MIGA1: variants seen among roughly 807,000 people sequenced by gnomAD.
MIGA1 encodes mitoguardin 1.
In MIGA1, 58 loss-of-function variants were observed where a neutral mutation model predicts 82.0. The observed-to-expected ratio is 0.71, with a 90% CI of 0.57 to 0.88. The LOEUF (loss-of-function observed/expected upper bound fraction) is 0.88. Among genes scored for constraint, MIGA1 ranks in the 40% least tolerant of loss-of-function variants. The pLI is 0.00. For synonymous variants in MIGA1, 249 were observed against 253.6 expected, an observed-to-expected ratio of 0.98 and a Z score of 0.17; for missense variants, 751 against 749.1, an observed-to-expected ratio of 1.00 and a Z score of -0.03.
chr1:77,820,397 C>G (rs953898508), intron 7 of MIGA1, among the ~76,000 whole-genome samples: 45 of 152,262 alleles, frequency 3.0e-4, no homozygotes, highest in African/African-American at 1.0e-3. Flanking sequence ...GGGTTCAACT[C>G]CTGACATTTC....
At chr1:77,863,763 T>C (rs1685558176) in intron 12 of MIGA1, 131 bp from the exon 13 acceptor site, 1 of 628,370 alleles carries the variant, frequency 1.6e-6, no homozygotes, top group South Asian at 2.7e-5. Flanking sequence ...TTATCTCTCC[T>C]TTTATTTTTT....
chr1:77,818,774 T>C (rs1260174776), intron 7 of MIGA1, among the ~76,000 whole-genome samples: 1 of 152,012 alleles, frequency 6.6e-6, no homozygotes, highest in African/African-American at 2.4e-5. Flanking sequence ...GAGGAAACTC[T>C]AGATAAAAAA....
At chr1:77,794,455 A>G (rs1000667175) in intron 2 of MIGA1, among the ~76,000 whole-genome samples, 1 of 152,186 alleles carries the variant, frequency 6.6e-6, no homozygotes, top group Non-Finnish European at 1.5e-5. Context: ...ATTTTGCAGA[A>G]TGTCCCTCAG....
At position 77,779,706 on chromosome 1, in the gene MIGA1, C is replaced by T; in HGVS notation, c.51C>T (p.Gly17=). The T allele has an allele frequency of 6.3e-7, 1 of 1,588,172 alleles. No individual in the cohort carries two copies. Among genetic ancestry groups the T allele is most frequent in the African/African-American group, 1.3e-5 (1 of 74,604 alleles). Residue 17 remains glycine, a synonymous_variant, in exon 1 of 16, where the codon GGC becomes GGT. Coordinates refer to ENST00000370791, the MANE Select transcript of MIGA1 (RefSeq NM_198549.4). ...GCATCAGCTGGGAAGCTGGCGTGGG[C>T]AGGCCAGCTGTACCTGGCCTGGAGC... is the stretch of plus-strand genomic sequence containing the variant.
At chr1:77,840,342 A>G (rs1405781171) in intron 7 of MIGA1, among the ~76,000 whole-genome samples, 3 of 152,138 alleles carry the variant, frequency 2.0e-5, no homozygotes, top group African/African-American at 7.2e-5. Flanking sequence ...ATGGTAACTG[A>G]TCTGGATGAC....
chr1:77,784,306 C>A (rs1682051960), intron 2 of MIGA1, among the ~76,000 whole-genome samples: 1 of 151,966 alleles, frequency 6.6e-6, no homozygotes, highest in Non-Finnish European at 1.5e-5. Context: ...CTCACTGCAG[C>A]CTCAAACTCC....
At chr1:77,785,217 A>G (rs1315539512) in intron 2 of MIGA1, among the ~76,000 whole-genome samples, 1 of 152,182 alleles carries the variant, frequency 6.6e-6, no homozygotes, top group African/African-American at 2.4e-5. Flanking sequence ...AAAGCAAATT[A>G]GTTACTTCCT....
intron 14 of MIGA1, among the ~76,000 whole-genome samples, chr1:77,869,611 A>C (rs547268944): frequency 1.6e-5 from 2 of 127,226 alleles, no homozygotes; most frequent in African/African-American, 5.9e-5. Flanking sequence ...GCGGCTGGCC[A>C]GGCAGAGGGG....
intron 7 of MIGA1, among the ~76,000 whole-genome samples, chr1:77,841,737 CTTTCT>C (rs71075766): frequency 9.1e-4 from 136 of 148,796 alleles, no homozygotes; most frequent in Non-Finnish European, 1.4e-3. Context: ...CTTCTGCTTT[CTTTCT>C]TTTCTTTTCT....
intron 7 of MIGA1, among the ~76,000 whole-genome samples, chr1:77,837,229 T>C (rs2101874183): frequency 6.6e-6 from 1 of 152,334 alleles, no homozygotes; most frequent in South Asian, 2.1e-4. Flanking sequence ...TAATAATATA[T>C]TTTCTTAAAC....
chr1:77,830,647 C>G (rs1275878992), intron 7 of MIGA1, among the ~76,000 whole-genome samples: 2 of 152,070 alleles, frequency 1.3e-5, no homozygotes, highest in African/African-American at 4.8e-5. Context: ...CTTTTTATGT[C>G]TGAAGAGAGC....
chr1:77,794,649 A>G (rs72685306), intron 2 of MIGA1, among the ~76,000 whole-genome samples: 1,873 of 152,220 alleles, frequency 0.012, 43 homozygotes, highest in South Asian at 0.1. Context: ...ACAAGGTGGG[A>G]GGATTACTTG....
At chr1:77,802,065 G>A (rs1016373692) in intron 3 of MIGA1, among the ~76,000 whole-genome samples, 2 of 152,096 alleles carry the variant, frequency 1.3e-5, no homozygotes, top group African/African-American at 4.8e-5. Context: ...GAAGTAAGTT[G>A]CTGTCTTTTA....
In MIGA1 at chr1:77,869,738, AC is replaced by A. The variant is rs71075770; in HGVS notation, c.1564-3256del. The stretch of plus-strand genomic sequence containing the variant: ...CCCTCCCGGACAGGGCGGCTGGCCG[AC>A]CCCCCCCCCGCCTGCCTCCCGGACG... On this transcript the variant is annotated intron_variant, in intron 14 of 15. Transcript: ENST00000370791. 6.0e-4 allele frequency among the ~76,000 whole-genome samples: 17 copies of A among 28,528 alleles called. 2 individuals carry two copies. Among genetic ancestry groups the A allele is most frequent in the South Asian group, 3.3e-3 (2 of 610 alleles). 18.7% of individuals were successfully genotyped at this position (28,528 alleles called of 152,430 possible).
chr1:77,792,563 A>G (rs1418160909), intron 2 of MIGA1, among the ~76,000 whole-genome samples: 1 of 152,204 alleles, frequency 6.6e-6, no homozygotes, highest in Non-Finnish European at 1.5e-5. Flanking sequence ...GACTAGAGAA[A>G]AAGGATAAAA....
intron 2 of MIGA1, among the ~76,000 whole-genome samples, chr1:77,793,183 A>G (rs1456828180): frequency 2.0e-5 from 3 of 151,852 alleles, no homozygotes; most frequent in African/African-American, 7.3e-5. Context: ...GGCTCATTGT[A>G]GCCTCAATCT....
intron 1 of MIGA1, among the ~76,000 whole-genome samples, 179 bp from the exon 2 acceptor site, chr1:77,783,059 C>G (rs1163754533): frequency 1.3e-5 from 2 of 150,710 alleles, no homozygotes; most frequent in Non-Finnish European, 2.9e-5. Context: ...GGAAGGATAG[C>G]TTATTGTTTC....
intron 14 of MIGA1, among the ~76,000 whole-genome samples, chr1:77,870,946 C>T (rs1409016780): frequency 1.4e-3 from 214 of 149,836 alleles, no homozygotes; most frequent in African/African-American, 5.0e-3. Context: ...ACCAGTCAGG[C>T]GTGGCGGTGC....
At chr1:77,799,249 C>A (rs1265956647) in intron 2 of MIGA1, among the ~76,000 whole-genome samples, 2 of 152,106 alleles carry the variant, frequency 1.3e-5, no homozygotes, top group Non-Finnish European at 2.9e-5. Context: ...ACAACCATTG[C>A]AAATTTGACA....
Sources: gnomAD v4.1 joint callset for allele counts (sites outside exome capture counted in the v4.1 genomes callset) on GRCh38, gnomAD v4.1.1 for gene constraint, MANE v1.5 for transcripts, NCBI Gene and HGNC (gene_info 2026-07-23, HGNC 2026-07-21) for gene names.